The following PCDH15 variants were observed in gnomAD, a reference collection of about 807,000 sequenced individuals.
PCDH15 encodes protocadherin-15.
A neutral mutation model predicts 178.5 loss-of-function variants in PCDH15; 129 were observed. The observed-to-expected ratio is 0.72, with a 90% CI of 0.63 to 0.84. The LOEUF (loss-of-function observed/expected upper bound fraction) is 0.84, where lower values mean the gene tolerates loss of function less well. Among genes scored for constraint, PCDH15 ranks in the 40% least tolerant of loss-of-function variants. PCDH15 has a pLI of 0.00. For missense variants in PCDH15, 2,230 were observed against 2,099.9 expected (o/e 1.06, Z -1.21); for synonymous variants, 800 against 732.0 (o/e 1.09, Z -1.50).
chr10:55,588,099 T>A (rs1278047379), intron 2 of PCDH15, among the ~76,000 whole-genome samples: 1 of 152,130 alleles, frequency 6.6e-6, no homozygotes, highest in African/African-American at 2.4e-5. Flanking sequence ...TTTAAAGCGC[T>A]TAAAACTTTG....
chr10:54,266,814 G>A (rs1432319953), intron 8 of PCDH15, among the ~76,000 whole-genome samples: 2 of 151,452 alleles, frequency 1.3e-5, no homozygotes, highest in African/African-American at 4.8e-5. Context: ...ATAGAAGTCC[G>A]GGACTAGATG....
At chr10:54,522,922 G>C (rs1422203897) in intron 3 of PCDH15, among the ~76,000 whole-genome samples, 1 of 152,094 alleles carries the variant, frequency 6.6e-6, no homozygotes, top group Non-Finnish European at 1.5e-5. Flanking sequence ...ACTAAACTTT[G>C]ACTAGGAACT....
intron 10 of PCDH15, among the ~76,000 whole-genome samples, chr10:54,198,495 CT>C (rs1186240206): frequency 0.025 from 773 of 31,144 alleles, 9 homozygotes; most frequent in Middle Eastern, 0.1. Flanking sequence ...TCTAATTATT[CT>C]TTTTTTTTTT....
intron 36 of PCDH15, among the ~76,000 whole-genome samples, chr10:53,811,067 A>C (rs958386710): frequency 6.6e-6 from 1 of 152,170 alleles, no homozygotes; most frequent in African/African-American, 2.4e-5. Context: ...CATGGTCTGT[A>C]ATGGTTTTCA....
intron 2 of PCDH15, among the ~76,000 whole-genome samples, chr10:54,550,592 C>T (rs138265340): frequency 0.014 from 2,123 of 151,952 alleles, 43 homozygotes; most frequent in African/African-American, 0.048. Flanking sequence ...TTAAAGCTGG[C>T]CTTCCATGAA....
intron 11 of PCDH15, among the ~76,000 whole-genome samples, chr10:54,187,513 C>A (rs577573790): frequency 6.6e-6 from 1 of 151,958 alleles, no homozygotes; most frequent in East Asian, 1.9e-4. Context: ...AGATAATGCA[C>A]ACATCAATAC....
chr10:54,696,635 G>T (rs1263391024), intron 1 of PCDH15, among the ~76,000 whole-genome samples: 1 of 151,496 alleles, frequency 6.6e-6, no homozygotes, highest in Non-Finnish European at 1.5e-5. Context: ...AAAGTTAAAA[G>T]CTTCCCATTT....
intron 1 of PCDH15, among the ~76,000 whole-genome samples, chr10:54,682,536 G>T (rs1282254435): frequency 6.6e-6 from 1 of 152,056 alleles, no homozygotes; most frequent in African/African-American, 2.4e-5. Flanking sequence ...TTTAAACATG[G>T]TTTAAACTAT....
intron 2 of PCDH15, among the ~76,000 whole-genome samples, chr10:54,898,674 C>T (rs1180112493): frequency 1.3e-5 from 2 of 151,978 alleles, no homozygotes; most frequent in African/African-American, 2.4e-5. Flanking sequence ...TTATTTACTC[C>T]CTGGAATGAG....
rs904701277 is a variant in PCDH15 at position 53,932,251 on chromosome 10, C to T, written c.3373+6564G>A. ...TCATCACTCCTTCAGGTAATCCTAC[C>T]GAACAGGATTTAAGAAAACTGGCAT... On this transcript the variant is annotated intron_variant, in intron 25 of 37. Transcript: ENST00000644397. 3.9e-5 allele frequency among the ~76,000 whole-genome samples: 6 copies of T among 152,140 alleles called. No individual in the cohort carries two copies. In the East Asian group the frequency reaches 9.6e-4, roughly 24 times the overall value.
At chr10:53,871,808 C>G (rs2079883826) in intron 26 of PCDH15, among the ~76,000 whole-genome samples, 1 of 151,782 alleles carries the variant, frequency 6.6e-6, no homozygotes, top group South Asian at 2.1e-4. Context: ...GGCTGGAGTG[C>G]AATGGCTCGA....
intron 26 of PCDH15, among the ~76,000 whole-genome samples, chr10:53,869,910 A>T (rs1589169734): frequency 6.6e-6 from 1 of 152,192 alleles, no homozygotes; most frequent in Non-Finnish European, 1.5e-5. Context: ...AAAACTTTAC[A>T]TTGACTGAAT....
chr10:54,383,689 A>T (rs1949546632), intron 3 of PCDH15, among the ~76,000 whole-genome samples: 1 of 150,160 alleles, frequency 6.7e-6, no homozygotes, highest in East Asian at 1.9e-4. Flanking sequence ...TAAAGTGGGT[A>T]AAAAACAATC....
intron 17 of PCDH15, among the ~76,000 whole-genome samples, chr10:54,069,038 T>C (rs1187209514): frequency 6.6e-6 from 1 of 152,208 alleles, no homozygotes; most frequent in Non-Finnish European, 1.5e-5. Context: ...CATGCTTTCA[T>C]GACAAAAAGT....
At chr10:54,339,313 T>C (rs999959782) in intron 6 of PCDH15, among the ~76,000 whole-genome samples, 3 of 152,098 alleles carry the variant, frequency 2.0e-5, no homozygotes, top group Non-Finnish European at 2.9e-5. Flanking sequence ...TCTGAATTAG[T>C]TCAGTGCATT....
At chr10:55,514,667 T>G (rs1394062470) in intron 2 of PCDH15, among the ~76,000 whole-genome samples, 1 of 152,180 alleles carries the variant, frequency 6.6e-6, no homozygotes, top group Non-Finnish European at 1.5e-5. Flanking sequence ...TGAGCACGTA[T>G]TGTGTCCCTC....
chr10:54,711,386 T>C (rs1198773454), intron 1 of PCDH15, among the ~76,000 whole-genome samples: 2 of 151,930 alleles, frequency 1.3e-5, no homozygotes, highest in South Asian at 2.1e-4. Flanking sequence ...CTGACAAACA[T>C]GAACATACAA....
Position 55,383,454 on chromosome 10 carries a change from C to T in PCDH15, c.-155-216803G>A, listed in dbSNP as rs770345624. Among the ~76,000 whole-genome samples, 23 of 152,076 alleles carry T rather than the reference C, an allele frequency of 1.5e-4. 1 individual carries two copies. The South Asian group carries it at 3.1e-3, about 21-fold the overall frequency. ...AAACAGGGATAACTATTCTCATTTTCGGGCCACAATTTCCAGGCTGCAGAA... is the reference window on the plus strand; with the variant it reads ...AAACAGGGATAACTATTCTCATTTTTGGGCCACAATTTCCAGGCTGCAGAA... On this transcript the variant is annotated intron_variant, in intron 2 of 5. Transcript: ENST00000613346.
chr10:54,531,932 A>C (rs2083970091), intron 2 of PCDH15, among the ~76,000 whole-genome samples: 1 of 152,156 alleles, frequency 6.6e-6, no homozygotes, highest in Non-Finnish European at 1.5e-5. Flanking sequence ...ACCAAGCCAC[A>C]TAAGTCAGAA....
Sources: gnomAD v4.1 joint callset for allele counts (sites outside exome capture counted in the v4.1 genomes callset) on GRCh38, gnomAD v4.1.1 for gene constraint, MANE v1.5 for transcripts, NCBI Gene and HGNC (gene_info 2026-07-23, HGNC 2026-07-21) for gene names.